The following THSD7A variants were observed in gnomAD, a reference collection of about 807,000 sequenced individuals.
THSD7A encodes the protein thrombospondin type-1 domain-containing protein 7A.
In THSD7A, 96 loss-of-function variants were observed where a neutral mutation model predicts 231.3. The observed-to-expected ratio is 0.41, with a 90% CI of 0.35 to 0.49. The LOEUF (loss-of-function observed/expected upper bound fraction) is 0.49, where lower values mean the gene tolerates loss of function less well. Ranked by LOEUF, THSD7A falls within the 20% of genes least tolerant of loss-of-function variation. THSD7A has a pLI of 0.05. For missense variants in THSD7A, 2,290 were observed against 2,070.2 expected, an observed-to-expected ratio of 1.11 and a Z score of -2.06; for synonymous variants, 940 against 743.3, an observed-to-expected ratio of 1.26 and a Z score of -4.30.
chr7:11,674,919 C>A (rs1783576262), intron 1 of THSD7A, among the ~76,000 whole-genome samples: 1 of 152,088 alleles, frequency 6.6e-6, no homozygotes. Context: ...AGCCATAAAA[C>A]CCATCCACAA....
At chr7:11,531,511 G>A (rs1788708558) in intron 6 of THSD7A, among the ~76,000 whole-genome samples, 1 of 152,174 alleles carries the variant, frequency 6.6e-6, no homozygotes, top group African/African-American at 2.4e-5. Context: ...CCATGTTGTT[G>A]TTCCTCAAAT....
rs143105571 is a variant in THSD7A, at chr7:11,545,380, A to G, written c.1454-2263T>C. Among the ~76,000 whole-genome samples, 125 of 152,286 alleles carry G rather than the reference A, an allele frequency of 8.2e-4. 2 individuals carry two copies. The highest frequency in any genetic ancestry group is 2.8e-3 in the African/African-American group (116 of 41,570). On this transcript the variant is annotated intron_variant, in intron 4 of 27. Transcript: ENST00000423059. ...TAGAGTCTGAATTTATTTTATATAT[A>G]AAGTTGAAAACTTTAGGAAGCAAAC...
chr7:11,773,590 T>C (rs184962748), intron 1 of THSD7A, among the ~76,000 whole-genome samples: 2 of 152,238 alleles, frequency 1.3e-5, no homozygotes, highest in Admixed American at 6.5e-5. Flanking sequence ...TGGTGGACAG[T>C]GAGAAATGAC....
chr7:11,667,380 A>T (rs574870564), intron 1 of THSD7A, among the ~76,000 whole-genome samples: 2 of 152,156 alleles, frequency 1.3e-5, no homozygotes, highest in Non-Finnish European at 2.9e-5. Flanking sequence ...TTTCTTGTGA[A>T]ATCAGTATTG....
intron 16 of THSD7A, among the ~76,000 whole-genome samples, chr7:11,419,397 C>T (rs1029984030): frequency 6.6e-6 from 1 of 152,126 alleles, no homozygotes; most frequent in Non-Finnish European, 1.5e-5. Flanking sequence ...CTTTTTCTCT[C>T]TCTTGCCACC....
At chr7:11,394,226 G>C (rs1783094558) in intron 23 of THSD7A, among the ~76,000 whole-genome samples, 1 of 152,170 alleles carries the variant, frequency 6.6e-6, no homozygotes, top group Non-Finnish European at 1.5e-5. Flanking sequence ...CATTCTTAAA[G>C]AATTTTCAAT....
chr7:11,697,876 C>T (rs988733784), intron 1 of THSD7A, among the ~76,000 whole-genome samples: 3 of 151,382 alleles, frequency 2.0e-5, no homozygotes, highest in Non-Finnish European at 3.0e-5. Flanking sequence ...AAAAACAATA[C>T]CAATTAAATA....
intron 1 of THSD7A, among the ~76,000 whole-genome samples, chr7:11,742,533 C>A (rs554402867): frequency 9.2e-5 from 14 of 151,764 alleles, no homozygotes; most frequent in Non-Finnish European, 1.5e-4. Context: ...GTTCCAAGAA[C>A]CTTTATGTTG....
intron 1 of THSD7A, among the ~76,000 whole-genome samples, chr7:11,734,420 C>T (rs937103364): frequency 1.3e-5 from 2 of 151,944 alleles, no homozygotes; most frequent in African/African-American, 4.8e-5. Flanking sequence ...AAAGGCTTTT[C>T]ATCCTCTACA....
chr7:11,448,173 T>A (rs1785034873), intron 11 of THSD7A, among the ~76,000 whole-genome samples: 1 of 152,248 alleles, frequency 6.6e-6, no homozygotes, highest in African/African-American at 2.4e-5. Context: ...CATATAAATT[T>A]AAAAAATCAA....
At chr7:11,458,795 G>T (rs181954179) in intron 11 of THSD7A, among the ~76,000 whole-genome samples, 2 of 152,272 alleles carry the variant, frequency 1.3e-5, no homozygotes, top group East Asian at 1.9e-4. Flanking sequence ...AAGGTTGCTG[G>T]TAATCACAGA....
chr7:11,604,483 T>TA (rs749632763), intron 2 of THSD7A, among the ~76,000 whole-genome samples: 6 of 152,146 alleles, frequency 3.9e-5, no homozygotes, highest in South Asian at 2.1e-4. Flanking sequence ...TGCATCACTT[T>TA]AAAAAAACAT....
chr7:11,733,706 C>A (rs1781813364), intron 1 of THSD7A, among the ~76,000 whole-genome samples: 1 of 151,750 alleles, frequency 6.6e-6, no homozygotes, highest in African/African-American at 2.4e-5. Context: ...AATGTGGGAT[C>A]TGAATAAGAA....
At chr7:11,421,934 T>G (rs1784158294) in intron 16 of THSD7A, among the ~76,000 whole-genome samples, 1 of 152,208 alleles carries the variant, frequency 6.6e-6, no homozygotes, top group African/African-American at 2.4e-5. Flanking sequence ...ATACAGAATA[T>G]TTGGATCAAG....
chr7:11,405,786 T>C (rs1444791789), intron 22 of THSD7A, among the ~76,000 whole-genome samples: 4 of 152,226 alleles, frequency 2.6e-5, no homozygotes, highest in Non-Finnish European at 5.9e-5. Context: ...TCTGTTATTT[T>C]CTTACTGAAG....
At chr7:11,402,029 C>T (rs1369555443) in intron 22 of THSD7A, 61 bp from the exon 23 acceptor site, 9 of 1,452,338 alleles carry the variant, frequency 6.2e-6, no homozygotes, top group Non-Finnish European at 8.5e-6. Context: ...GCCCGATAAT[C>T]ATTTTAATTC....
chr7:11,543,702 C>A (rs1789249600), intron 4 of THSD7A, among the ~76,000 whole-genome samples: 1 of 152,158 alleles, frequency 6.6e-6, no homozygotes. Context: ...AACACATTAT[C>A]TGCATATGTG....
intron 4 of THSD7A, among the ~76,000 whole-genome samples, chr7:11,561,014 A>G (rs1485031787): frequency 1.3e-5 from 2 of 152,168 alleles, no homozygotes; most frequent in African/African-American, 4.8e-5. Flanking sequence ...TGAGGTAGGT[A>G]TTCCAGTTAT....
chr7:11,782,308 C>G (rs1169264450), intron 1 of THSD7A, among the ~76,000 whole-genome samples: 2 of 152,078 alleles, frequency 1.3e-5, no homozygotes, highest in African/African-American at 2.4e-5. Flanking sequence ...CACAAATGAT[C>G]AGCCTAATGT....
Sources: gnomAD v4.1 joint callset for allele counts (sites outside exome capture counted in the v4.1 genomes callset) on GRCh38, gnomAD v4.1.1 for gene constraint, MANE v1.5 for transcripts, NCBI Gene and HGNC (gene_info 2026-07-23, HGNC 2026-07-21) for gene names.